Variants in CYP3A4 observed in about 807,000 individuals in gnomAD.
The protein encoded by CYP3A4 is cytochrome P450 3A4.
A neutral mutation model predicts 54.9 loss-of-function variants in CYP3A4; 41 were observed. The observed-to-expected ratio is 0.75, with a 90% confidence interval of 0.58 to 0.97. CYP3A4 has a LOEUF of 0.97. Among genes scored for constraint, CYP3A4 ranks in the 50% least tolerant of loss-of-function variants. The pLI is 0.00. For synonymous variants in CYP3A4, 179 were observed against 205.2 expected, an observed-to-expected ratio of 0.87 and a Z score of 1.09; for missense variants, 510 against 597.3, an observed-to-expected ratio of 0.85 and a Z score of 1.52.
chr7:99,783,076 G>A (rs1295394647), intron 1 of CYP3A4, among the ~76,000 whole-genome samples: 5 of 152,198 alleles, frequency 3.3e-5, no homozygotes, highest in African/African-American at 1.2e-4. Context: ...TCAGAAGATG[G>A]AAAATATGTT....
intron 12 of CYP3A4, 49 bp from the exon 13 acceptor site, chr7:99,758,277 A>G: frequency 1.3e-6 from 2 of 1,585,906 alleles, no homozygotes; most frequent in Non-Finnish European, 8.6e-7. Flanking sequence ...AAACAAAAGT[A>G]GAAAGTATAG....
Position 99,778,022 on chromosome 7 carries a change from A to G in CYP3A4, c.218+6T>C, listed in dbSNP as rs1311503222. 6.2e-7 allele frequency: 1 copy of G among 1,611,516 alleles called. No individual in the cohort carries two copies. The highest frequency in any genetic ancestry group is 1.1e-5 in the South Asian group (1 of 90,966). On this transcript the variant is annotated splice_donor_region_variant and intron_variant, in intron 3 of 12. Coordinates refer to ENST00000651514, the MANE Select transcript of CYP3A4 (RefSeq NM_017460.6). Reference sequence around the variant, plus strand: ...TCTATCCAATGGAAGTTTCCAGAATACTCACCCCCACACTTTTCCATACTT... The same window carrying G: ...TCTATCCAATGGAAGTTTCCAGAATGCTCACCCCCACACTTTTCCATACTT...
At chr7:99,765,773 CAA>C (rs1007554794) in intron 9 of CYP3A4, among the ~76,000 whole-genome samples, 3 of 152,172 alleles carry the variant, frequency 2.0e-5, no homozygotes, top group African/African-American at 4.8e-5. Context: ...ACATTGAAGA[CAA>C]AGAGGATATT....
rs767370767 is a variant in CYP3A4 at position 99,760,881 on chromosome 7, T to A, written c.1354A>T (p.Met452Leu). 3 of 1,614,186 alleles carry A rather than the reference T, an allele frequency of 1.9e-6. No homozygotes were observed. In the South Asian group the frequency reaches 3.3e-5, roughly 18 times the overall value. The change falls in exon 12 of 13, where the codon ATG becomes TTG. Residue 452 changes from methionine (M) to leucine (L), a missense_variant. Physicochemically the swap from Met to Leu is conservative, Grantham distance 15 (BLOSUM62 2). This residue lies in a region of CYP3A4 where 238 missense variants were observed against 322.5 expected (regional missense o/e 0.74). Coordinates refer to ENST00000651514, the MANE Select transcript of CYP3A4 (RefSeq NM_017460.6). ...AGGACTCTGATTAGAGCAAGTTTCA[T>A]GTTCATGAGAGCAAACCTCATGCCA... ...CIGMRFALMN[M>L]KLALIRVLQN...
chr7:99,771,199 A>C (rs1308841521), intron 4 of CYP3A4, among the ~76,000 whole-genome samples: 1 of 152,218 alleles, frequency 6.6e-6, no homozygotes, highest in Non-Finnish European at 1.5e-5. Context: ...AAGTGACATA[A>C]CTGACAATGT....
At chr7:99,778,146 G>A (rs767554879) in intron 2 of CYP3A4, 66 bp from the exon 3 acceptor site, 30 of 1,328,792 alleles carry the variant, frequency 2.3e-5, no homozygotes, top group Non-Finnish European at 3.2e-5. Flanking sequence ...CCTCTAATTG[G>A]GATGAAAACA....
At chr7:99,778,000 A>C (rs71583804) in intron 3 of CYP3A4, 28 bp downstream of exon 3, 1 of 1,589,092 alleles carries the variant, frequency 6.3e-7, no homozygotes, top group South Asian at 1.1e-5. Context: ...AAACAAGTCT[A>C]TCCAATGGAA....
chr7:99,770,350 G>A (rs536122125), intron 4 of CYP3A4, 115 bp from the exon 5 acceptor site: 2 of 988,112 alleles, frequency 2.0e-6, no homozygotes, highest in African/African-American at 1.6e-5. Flanking sequence ...ACTGTCTACT[G>A]GGTGATGGGC....
chr7:99,766,175 T>G (rs1255342981), intron 9 of CYP3A4, among the ~76,000 whole-genome samples: 2 of 152,144 alleles, frequency 1.3e-5, no homozygotes, highest in Non-Finnish European at 2.9e-5. Flanking sequence ...TGCTTAGGGT[T>G]GCCCTTTACT....
rs1373912108 is a variant in CYP3A4, at chr7:99,762,201, T to G, written c.1093A>C (p.Arg365=). The G allele has an allele frequency of 1.2e-6, 2 of 1,613,990 alleles. No homozygotes were observed. The highest frequency in any genetic ancestry group is 3.3e-5 in the Admixed American group (2 of 60,002). The change falls in exon 11 of 13, where the codon AGA becomes CGA. Residue 365 remains arginine (R), a synonymous_variant. Coordinates refer to ENST00000651514, the MANE Select transcript of CYP3A4 (RefSeq NM_017460.6). ...AGTCTCATAGCAATTGGGAATAATC[T>G]GAGCGTTTCATTCACCACCATGTCA... ...YLDMVVNETL[R]LFPIAMRLER...
chr7:99,769,998 C>G (rs1815587588), intron 5 of CYP3A4, 124 bp downstream of exon 5: 3 of 1,542,188 alleles, frequency 1.9e-6, no homozygotes, highest in Non-Finnish European at 2.7e-6. Flanking sequence ...AGATAAAAGA[C>G]CATTTTTAGG....
At chr7:99,779,229 A>T (rs1267306828) in intron 2 of CYP3A4, among the ~76,000 whole-genome samples, 1 of 142,538 alleles carries the variant, frequency 7.0e-6, no homozygotes, top group Admixed American at 9.6e-5. Context: ...GCCTTTGTGT[A>T]AAAAAAAAAC....
At chr7:99,782,660 T>C (rs1336320415) in intron 1 of CYP3A4, among the ~76,000 whole-genome samples, 1 of 152,166 alleles carries the variant, frequency 6.6e-6, no homozygotes, top group Non-Finnish European at 1.5e-5. Flanking sequence ...TCTTTGGAGT[T>C]CTACCCTGAG....
chr7:99,768,824 T>C (rs2151559207), intron 6 of CYP3A4, among the ~76,000 whole-genome samples: 1 of 152,254 alleles, frequency 6.6e-6, no homozygotes, highest in African/African-American at 2.4e-5. Flanking sequence ...ACAAGATGGG[T>C]AAGCACTGTG....
chr7:99,778,956 T>C (rs1815844653), intron 2 of CYP3A4, among the ~76,000 whole-genome samples: 2 of 152,030 alleles, frequency 1.3e-5, no homozygotes, highest in Admixed American at 6.6e-5. Flanking sequence ...CTGAGAGAAT[T>C]AGAATCTGAG....
At chr7:99,774,473 C>T (rs1291039873) in intron 3 of CYP3A4, among the ~76,000 whole-genome samples, 1 of 152,264 alleles carries the variant, frequency 6.6e-6, no homozygotes, top group African/African-American at 2.4e-5. Flanking sequence ...TCCAGCAAAA[C>T]ATCAAAAAGC....
chr7:99,770,519 G>A (rs939881567), intron 4 of CYP3A4, among the ~76,000 whole-genome samples: 5 of 152,090 alleles, frequency 3.3e-5, no homozygotes, highest in Non-Finnish European at 5.9e-5. Context: ...AATTATCCAC[G>A]TGGTAGAGAA....
intron 12 of CYP3A4, 151 bp downstream of exon 12, chr7:99,760,668 C>T: frequency 1.9e-6 from 2 of 1,057,864 alleles, no homozygotes; most frequent in Non-Finnish European, 2.7e-6. Context: ...AACTGAAGCA[C>T]CCTTAAAGAT....
At chr7:99,778,994 T>C (rs1379663498) in intron 2 of CYP3A4, among the ~76,000 whole-genome samples, 1 of 152,122 alleles carries the variant, frequency 6.6e-6, no homozygotes, top group Non-Finnish European at 1.5e-5. Flanking sequence ...GTGGGAAAGA[T>C]GATGTAAGCC....
Sources: allele counts gnomAD v4.1 joint callset (sites outside exome capture counted in the v4.1 genomes callset), GRCh38; gene constraint gnomAD v4.1.1; regional missense constraint gnomAD v4.1.1; transcripts MANE v1.5; gene names NCBI Gene and HGNC (gene_info 2026-07-23, HGNC 2026-07-21).